The following LOC128462377 variants were observed in gnomAD, a reference collection of about 807,000 sequenced individuals.
chr16:89,332,884 C>T, the LOC128462377 span, among the ~76,000 whole-genome samples: 1 of 152,212 alleles, frequency 6.6e-6, no homozygotes, highest in African/African-American at 2.4e-5. Flanking sequence ...CTTAGGGCTG[C>T]TTTGTTTTTT....
At chr16:89,407,868 AAAAAAG>A in the LOC128462377 span, among the ~76,000 whole-genome samples, 30 of 150,828 alleles carry the variant, frequency 2.0e-4, no homozygotes, top group East Asian at 5.8e-4. Context: ...AAAAAAAAAA[AAAAAAG>A]AAGAAGAAGA....
the LOC128462377 span, among the ~76,000 whole-genome samples, chr16:89,339,552 A>G: frequency 6.6e-6 from 1 of 152,210 alleles, no homozygotes; most frequent in African/African-American, 2.4e-5. Context: ...CGAACCCTCA[A>G]TTTATTTAGA....
the LOC128462377 span, among the ~76,000 whole-genome samples, chr16:89,329,372 A>C: frequency 6.6e-6 from 1 of 152,098 alleles, no homozygotes; most frequent in Non-Finnish European, 1.5e-5. Context: ...ACTTCCTGTG[A>C]GTCTATAATG....
At chr16:89,411,690 G>A in the LOC128462377 span, among the ~76,000 whole-genome samples, 24 of 151,978 alleles carry the variant, frequency 1.6e-4, no homozygotes, top group South Asian at 6.2e-4. Flanking sequence ...CTGGGATTAC[G>A]GCCAGTTTAC....
At chr16:89,369,127 G>C in the LOC128462377 span, among the ~76,000 whole-genome samples, 1 of 152,044 alleles carries the variant, frequency 6.6e-6, no homozygotes, top group African/African-American at 2.4e-5. Context: ...ATCTACCCTA[G>C]AAAGGACCAA....
the LOC128462377 span, chr16:89,323,082 A>G: frequency 6.5e-6 from 2 of 307,506 alleles, no homozygotes; most frequent in South Asian, 5.0e-5. Context: ...CTTTACGGCA[A>G]CCCCTGCCTT....
the LOC128462377 span, among the ~76,000 whole-genome samples, chr16:89,333,910 A>C: frequency 6.6e-6 from 1 of 152,110 alleles, no homozygotes; most frequent in African/African-American, 2.4e-5. Context: ...CAGAGAGATA[A>C]ACTACTTTCT....
the LOC128462377 span, among the ~76,000 whole-genome samples, chr16:89,376,094 C>A: frequency 7.9e-5 from 12 of 152,172 alleles, no homozygotes; most frequent in Non-Finnish European, 1.6e-4. Flanking sequence ...TTGTGAAATA[C>A]CTTTTTATCT....
chr16:89,376,271 G>A, the LOC128462377 span, among the ~76,000 whole-genome samples: 6 of 152,176 alleles, frequency 3.9e-5, no homozygotes, highest in Non-Finnish European at 8.8e-5. Flanking sequence ...GGAAGCAGCT[G>A]GAGAAGTGGA....
At chr16:89,330,625 G>A in the LOC128462377 span, among the ~76,000 whole-genome samples, 1 of 138,228 alleles carries the variant, frequency 7.2e-6, no homozygotes, top group African/African-American at 2.7e-5. Flanking sequence ...GGGTCCTCGT[G>A]ACACGGCAGT....
chr16:89,317,450 C>A, the LOC128462377 span, among the ~76,000 whole-genome samples: 2 of 152,210 alleles, frequency 1.3e-5, no homozygotes, highest in African/African-American at 4.8e-5. Context: ...CAGTCCCTTC[C>A]CCGCATTACA....
At chr16:89,325,343 C>T in the LOC128462377 span, among the ~76,000 whole-genome samples, 1 of 152,058 alleles carries the variant, frequency 6.6e-6, no homozygotes, top group Non-Finnish European at 1.5e-5. Context: ...GAGGCTAAGG[C>T]AGGAGGATCA....
the LOC128462377 span, among the ~76,000 whole-genome samples, chr16:89,330,673 GGGC>G: frequency 1.6e-4 from 6 of 36,464 alleles, no homozygotes; most frequent in African/African-American, 2.3e-4. Context: ...GGGGGGGGGG[GGGC>G]GGGGGCGGAG....
the LOC128462377 span, among the ~76,000 whole-genome samples, chr16:89,376,526 C>T: frequency 1.3e-5 from 2 of 152,350 alleles, no homozygotes; most frequent in African/African-American, 4.8e-5. Context: ...CAACTTCCAC[C>T]TGCTGGGTTC....
At chr16:89,411,818 C>G in the LOC128462377 span, among the ~76,000 whole-genome samples, 1 of 152,194 alleles carries the variant, frequency 6.6e-6, no homozygotes, top group African/African-American at 2.4e-5. Context: ...AAAAAAGAGA[C>G]TAGAATTCTC....
the LOC128462377 span, among the ~76,000 whole-genome samples, chr16:89,358,615 T>A: frequency 6.6e-6 from 1 of 152,080 alleles, no homozygotes; most frequent in Non-Finnish European, 1.5e-5. Flanking sequence ...AAATAATAAT[T>A]AATAAATAAA....
the LOC128462377 span, among the ~76,000 whole-genome samples, chr16:89,346,152 G>A: frequency 6.6e-6 from 1 of 151,596 alleles, no homozygotes; most frequent in Non-Finnish European, 1.5e-5. Context: ...GGGAGGCTGA[G>A]GCAGGAGAAT....
At chr16:89,375,503 G>C in the LOC128462377 span, among the ~76,000 whole-genome samples, 1 of 151,824 alleles carries the variant, frequency 6.6e-6, no homozygotes, top group East Asian at 1.9e-4. Context: ...CTTGTCGCCC[G>C]GGCTGGAGTG....
At chr16:89,355,668 T>C in the LOC128462377 span, among the ~76,000 whole-genome samples, 3 of 152,102 alleles carry the variant, frequency 2.0e-5, no homozygotes, top group African/African-American at 7.2e-5. Flanking sequence ...TTTCTTCCAT[T>C]AATAAGTAAA....
Sources: allele counts gnomAD v4.1 joint callset (sites outside exome capture counted in the v4.1 genomes callset), GRCh38; gene constraint gnomAD v4.1.1; transcripts MANE v1.5.